The following CLDN19 variants were observed in gnomAD, a reference collection of about 807,000 sequenced individuals.
CLDN19 encodes the protein claudin-19.
CLDN19 carries 19 observed loss-of-function variants against 24.5 expected under a neutral mutation model. That is an observed-to-expected ratio of 0.78 (90% confidence interval 0.54 to 1.14). The LOEUF (loss-of-function observed/expected upper bound fraction) is 1.14. CLDN19 is among the 50% of genes most tolerant of loss of function. The pLI is 0.00. For missense variants in CLDN19, 250 were observed against 295.9 expected (o/e 0.84, Z 1.14); for synonymous variants, 117 against 129.6 (o/e 0.90, Z 0.66).
intron 1 of CLDN19, 67 bp from the exon 2 acceptor site, chr1:42,738,652 G>A (rs971472579): frequency 2.9e-5 from 44 of 1,511,876 alleles, no homozygotes; most frequent in Non-Finnish European, 3.8e-5. Context: ...GCCTGGGGTC[G>A]GTGGAAGGAG....
chr1:42,737,003 C>T (rs1045277890), intron 3 of CLDN19, among the ~76,000 whole-genome samples: 2 of 152,200 alleles, frequency 1.3e-5, no homozygotes, highest in Admixed American at 6.5e-5. Context: ...GCATCCCTCC[C>T]GATTGCAAAA....
intron 4 of CLDN19, 197 bp downstream of exon 4, chr1:42,735,681 C>T (rs950371999): frequency 5.5e-6 from 8 of 1,445,258 alleles, no homozygotes; most frequent in Non-Finnish European, 5.4e-6. Context: ...GGGCTGGGTC[C>T]TGCCTCTGGT....
At chr1:42,735,618 C>T (rs1651338767) in intron 4 of CLDN19, 1 of 1,427,582 alleles carries the variant, frequency 7.0e-7, no homozygotes, top group Admixed American at 2.9e-5. Context: ...CTGGTGCCCA[C>T]CAGGCTGTGC....
intron 1 of CLDN19, 133 bp downstream of exon 1, chr1:42,739,708 A>G: frequency 1.3e-6 from 1 of 778,776 alleles, no homozygotes. Flanking sequence ...GGCACAGGGC[A>G]GTAGTGGGGG....
At chr1:42,735,282 G>A (rs1160256565) in intron 4 of CLDN19, 148 bp from the exon 5 acceptor site, 4 of 1,528,878 alleles carry the variant, frequency 2.6e-6, no homozygotes, top group Non-Finnish European at 3.5e-6. Flanking sequence ...CATTCCCGGG[G>A]GCAGGGGCGC....
intron 3 of CLDN19, 81 bp from the exon 4 acceptor site, chr1:42,736,111 CAG>C: frequency 1.1e-6 from 1 of 911,740 alleles, no homozygotes; most frequent in Non-Finnish European, 1.7e-6. Context: ...AGAGGAAGGG[CAG>C]AGTGTGTGGA....
chr1:42,740,122 G>A lies in CLDN19; in HGVS notation c.-59C>T, dbSNP rs928410898. On this transcript the variant is annotated 5_prime_UTR_variant, in exon 1 of 5. Transcript: ENST00000296387. ...CAGAGCTGGGCCAGGGTGCCAGCAGGGGCTTTGGTCATGGCCAGGTGGGAG... is the reference window on the plus strand; with the variant it reads ...CAGAGCTGGGCCAGGGTGCCAGCAGAGGCTTTGGTCATGGCCAGGTGGGAG... 18 of 1,381,014 alleles carry A rather than the reference G, an allele frequency of 1.3e-5. No homozygotes were observed. The highest frequency in any genetic ancestry group is 1.1e-4 in the African/African-American group (8 of 69,754). 85.5% of individuals were successfully genotyped at this position (1,381,014 alleles called of 1,614,324 possible).
chr1:42,739,536 C>T lies in CLDN19; in HGVS notation c.223+305G>A, dbSNP rs544300679. 3.3e-5 allele frequency among the ~76,000 whole-genome samples: 5 copies of T among 152,296 alleles called. No homozygotes were observed. The East Asian group carries it at 5.8e-4, about 18-fold the overall frequency. ...CTTAACTGAGTCTTTCAGAGTGCCA[C>T]AGGTATTAGTATTCCCCTTTAGAGA... On this transcript the variant is annotated intron_variant, in intron 1 of 4. Transcript: ENST00000296387.
chr1:42,736,069 C>T (rs943393207), intron 3 of CLDN19, 39 bp from the exon 4 acceptor site: 2 of 1,401,654 alleles, frequency 1.4e-6, no homozygotes, highest in Admixed American at 2.0e-5. Flanking sequence ...GTGTGGCTGC[C>T]GTCTCAGGTT....
At chr1:42,739,172 A>G (rs1269412262) in intron 1 of CLDN19, among the ~76,000 whole-genome samples, 1 of 152,118 alleles carries the variant, frequency 6.6e-6, no homozygotes, top group Non-Finnish European at 1.5e-5. Flanking sequence ...GAACTGGCAC[A>G]ATGGGGCTGG....
intron 3 of CLDN19, among the ~76,000 whole-genome samples, chr1:42,737,612 G>A (rs1305292409): frequency 6.6e-6 from 1 of 152,226 alleles, no homozygotes; most frequent in Non-Finnish European, 1.5e-5. Context: ...ATTTCACAGA[G>A]GAGGAAACTA....
At chr1:42,735,366 C>T (rs1212055901) in intron 4 of CLDN19, 1 of 1,440,050 alleles carries the variant, frequency 6.9e-7, no homozygotes, top group Admixed American at 2.8e-5. Flanking sequence ...GACCTAAACT[C>T]AGACCCTCCC....
intron 3 of CLDN19, among the ~76,000 whole-genome samples, 166 bp from the exon 4 acceptor site, chr1:42,736,196 TC>T (rs201065122): frequency 1.9e-3 from 286 of 151,468 alleles, no homozygotes; most frequent in African/African-American, 6.2e-3. Context: ...CCTTTCTCCC[TC>T]CCCCCCAGCC....
chr1:42,735,187 G>T lies in CLDN19; in HGVS notation c.627-53C>A, dbSNP rs972471763. The T allele has an allele frequency of 5.0e-6, 8 of 1,610,226 alleles. No homozygotes were observed. The Admixed American group carries it at 1.3e-4, about 27-fold the overall frequency. ...TAGTGGAGTGAGCTGTGGGGTCGGG[G>T]GCAGGGGCTGTGCATTCAGGCCCGG... On this transcript the variant is annotated intron_variant, in intron 4 of 4. Coordinates refer to ENST00000296387, the MANE Select transcript of CLDN19 (RefSeq NM_148960.3).
At chr1:42,737,929 C>T (rs2124043112) in intron 3 of CLDN19, among the ~76,000 whole-genome samples, 1 of 152,332 alleles carries the variant, frequency 6.6e-6, no homozygotes, top group South Asian at 2.1e-4. Flanking sequence ...GTGATCCACC[C>T]ATCTTGGCTT....
chr1:42,737,444 C>G (rs1476485186), intron 3 of CLDN19, among the ~76,000 whole-genome samples: 2 of 152,228 alleles, frequency 1.3e-5, no homozygotes, highest in East Asian at 3.8e-4. Flanking sequence ...CTGCTGCCTC[C>G]TGCAGGAAGT....
Position 42,735,961 on chromosome 1 carries a change from G to A in CLDN19, c.543C>T (p.Phe181=), listed in dbSNP as rs2124036565. ...CTGGCTCCGGGCATGTGCAGCAGAG[G>A]AAGGAGCCGCCCAGCACGGCCAGGC... ...SAGLAVLGGS[F]LCCTCPEPER... is the part of the protein sequence containing the mutation. The change falls in exon 4 of 5, where the codon TTC becomes TTT. Residue 181 remains phenylalanine, a synonymous_variant. Transcript: ENST00000296387. The A allele has an allele frequency of 2.5e-6, 4 of 1,576,738 alleles. No homozygotes were observed. The East Asian group carries it at 9.2e-5, about 36-fold the overall frequency.
chr1:42,737,437 C>T (rs1194533847), intron 3 of CLDN19, among the ~76,000 whole-genome samples: 2 of 152,236 alleles, frequency 1.3e-5, no homozygotes, highest in Admixed American at 6.5e-5. Flanking sequence ...AGAATAACTG[C>T]TGCCTCCTGC....
At chr1:42,739,101 G>T (rs564242998) in intron 1 of CLDN19, among the ~76,000 whole-genome samples, 1 of 152,310 alleles carries the variant, frequency 6.6e-6, no homozygotes, top group East Asian at 1.9e-4. Context: ...GGCCCTGGGG[G>T]GTGCTCAGGA....
Sources: gnomAD v4.1 joint callset for allele counts (sites outside exome capture counted in the v4.1 genomes callset) on GRCh38, gnomAD v4.1.1 for gene constraint, MANE v1.5 for transcripts, NCBI Gene and HGNC (gene_info 2026-07-23, HGNC 2026-07-21) for gene names.